Variants in SHTN1 observed in about 807,000 individuals in gnomAD.
SHTN1 encodes shootin 1.
A neutral mutation model predicts 83.1 loss-of-function variants in SHTN1; 42 were observed. That is an observed-to-expected ratio of 0.51 (90% CI 0.39 to 0.65). SHTN1 has a LOEUF of 0.65. Ranked by LOEUF, SHTN1 falls within the 30% of genes least tolerant of loss-of-function variation. The pLI, the probability that SHTN1 is intolerant of heterozygous loss-of-function variation, is 0.00. For missense variants in SHTN1, 622 were observed against 737.8 expected, an observed-to-expected ratio of 0.84 and a Z score of 1.82; for synonymous variants, 224 against 247.7, an observed-to-expected ratio of 0.90 and a Z score of 0.90.
At chr10:116,919,489 C>T (rs192435597) in intron 12 of SHTN1, among the ~76,000 whole-genome samples, 4 of 152,074 alleles carry the variant, frequency 2.6e-5, no homozygotes, top group Admixed American at 2.0e-4. Context: ...ATAAGAAAAA[C>T]TGTATAGGTC....
At chr10:116,993,008 C>CTTTTTTTTTTTTTTTTTT (rs1182027280) in intron 1 of SHTN1, among the ~76,000 whole-genome samples, 1 of 53,762 alleles carries the variant, frequency 1.9e-5, no homozygotes, top group Non-Finnish European at 4.2e-5. Context: ...TCTTTTCTTT[C>CTTTTTTTTTTTTTTTTTT]TTTTTTTTCT....
intron 12 of SHTN1, among the ~76,000 whole-genome samples, chr10:116,919,848 G>A (rs1217090870): frequency 1.2e-5 from 1 of 82,472 alleles, no homozygotes; most frequent in East Asian, 4.0e-4. Context: ...GCAGAAGGCA[G>A]GCACAGAAAG....
At chr10:116,941,642 T>G (rs895367554) in intron 8 of SHTN1, among the ~76,000 whole-genome samples, 19 of 152,234 alleles carry the variant, frequency 1.2e-4, no homozygotes, top group African/African-American at 4.3e-4. Flanking sequence ...AAAGCCCTCA[T>G]ATTAGTTTGT....
At chr10:117,103,827 C>G (rs1019124553) in intron 1 of SHTN1, among the ~76,000 whole-genome samples, 33 of 152,088 alleles carry the variant, frequency 2.2e-4, no homozygotes, top group African/African-American at 8.0e-4. Flanking sequence ...TGAGCCACCG[C>G]ACACGGCCAA....
chr10:116,971,148 T>C (rs1850603444), intron 2 of SHTN1, among the ~76,000 whole-genome samples: 1 of 152,172 alleles, frequency 6.6e-6, no homozygotes, highest in Non-Finnish European at 1.5e-5. Flanking sequence ...AAATGTATTC[T>C]GGCAAGAGAA....
In SHTN1 at chr10:117,061,581, T is replaced by G. The variant is rs550697414; in HGVS notation, c.-188-13071A>C. On this transcript the variant is annotated intron_variant, in intron 1 of 17. Coordinates refer to the SHTN1 transcript ENST00000392901. ...ACCTCCTGGGTTCAAGCGATTCTCCTGCCTCAGTCTCCTGAGTAGCTGGGA... is the reference window on the plus strand; with the variant it reads ...ACCTCCTGGGTTCAAGCGATTCTCCGGCCTCAGTCTCCTGAGTAGCTGGGA... Among the ~76,000 whole-genome samples, 5 of 152,282 alleles carry G rather than the reference T, an allele frequency of 3.3e-5. No homozygotes were observed. In the East Asian group the frequency reaches 9.7e-4, roughly 29 times the overall value.
In SHTN1 at chr10:117,101,948, T is replaced by A. The variant is rs543255307; in HGVS notation, c.-189+24359A>T. 2.5e-4 allele frequency among the ~76,000 whole-genome samples: 38 copies of A among 149,704 alleles called. 1 individual carries two copies. In the South Asian group the frequency reaches 7.8e-3, roughly 31 times the overall value. On this transcript the variant is annotated intron_variant, in intron 1 of 17. Transcript: ENST00000392901. The stretch of plus-strand genomic sequence containing the variant: ...TTTCTTTTAAACTTTCAATTATTTT[T>A]AAAAAAATTATAAATGGTAGAAGTA...
At chr10:117,043,672 C>G (rs900951227) in intron 2 of SHTN1, among the ~76,000 whole-genome samples, 9 of 151,780 alleles carry the variant, frequency 5.9e-5, no homozygotes, top group Non-Finnish European at 1.2e-4. Flanking sequence ...GAGATCCCAT[C>G]TCTACAAAAA....
chr10:117,015,620 C>T (rs182980649), intron 2 of SHTN1, among the ~76,000 whole-genome samples: 6 of 152,298 alleles, frequency 3.9e-5, no homozygotes, highest in South Asian at 2.1e-4. Flanking sequence ...CGTGAGCCAC[C>T]GTGCCCGGCC....
intron 1 of SHTN1, among the ~76,000 whole-genome samples, chr10:117,075,642 G>C (rs1390223006): frequency 1.3e-5 from 2 of 152,118 alleles, no homozygotes; most frequent in Non-Finnish European, 2.9e-5. Flanking sequence ...AACTCTACTT[G>C]GTTGGGAGTG....
upstream of SHTN1, among the ~76,000 whole-genome samples, chr10:117,008,693 A>G: frequency 6.6e-6 from 1 of 152,310 alleles, no homozygotes; most frequent in African/African-American, 2.4e-5. Flanking sequence ...AGGTGGGGTG[A>G]AAGTAGGGGA....
At chr10:116,944,044 T>C (rs752349084) in intron 8 of SHTN1, among the ~76,000 whole-genome samples, 3 of 152,160 alleles carry the variant, frequency 2.0e-5, no homozygotes, top group Non-Finnish European at 4.4e-5. Context: ...AACGCTGAGA[T>C]AATGAATGTA....
chr10:116,916,089 A>C (rs1848373204), intron 12 of SHTN1, among the ~76,000 whole-genome samples: 1 of 152,232 alleles, frequency 6.6e-6, no homozygotes, highest in African/African-American at 2.4e-5. Flanking sequence ...TCAGTGTTAA[A>C]AGAAAATATA....
chr10:116,953,793 A>G (rs1483830643), intron 5 of SHTN1, among the ~76,000 whole-genome samples: 1 of 151,534 alleles, frequency 6.6e-6, no homozygotes, highest in Non-Finnish European at 1.5e-5. Context: ...ACGCCCAGCT[A>G]ATTTTTGTAT....
intron 1 of SHTN1, among the ~76,000 whole-genome samples, chr10:117,073,122 C>T (rs1181794231): frequency 6.6e-6 from 1 of 152,064 alleles, no homozygotes; most frequent in African/African-American, 2.4e-5. Flanking sequence ...ATTCAGAGCT[C>T]AAAGACAAGG....
intron 9 of SHTN1, among the ~76,000 whole-genome samples, chr10:116,938,378 G>C (rs1849248665): frequency 6.6e-6 from 1 of 152,138 alleles, no homozygotes. Context: ...TGATGTTGAT[G>C]TATTCCTTTC....
intron 14 of SHTN1, among the ~76,000 whole-genome samples, chr10:116,910,806 A>G (rs1480261007): frequency 6.6e-6 from 1 of 152,248 alleles, no homozygotes; most frequent in Non-Finnish European, 1.5e-5. Context: ...CAATGGCTTT[A>G]ATACACTATT....
chr10:116,926,156 G>C (rs999453833), intron 11 of SHTN1, among the ~76,000 whole-genome samples: 2 of 152,084 alleles, frequency 1.3e-5, no homozygotes, highest in African/African-American at 4.8e-5. Flanking sequence ...GTTTCTCAGC[G>C]TAACTGTAAA....
chr10:117,022,679 G>T (rs571366902), intron 2 of SHTN1, among the ~76,000 whole-genome samples: 2 of 152,264 alleles, frequency 1.3e-5, no homozygotes, highest in African/African-American at 4.8e-5. Context: ...CCAGTACTTT[G>T]GGAGGCCGAG....
Sources: allele counts gnomAD v4.1 joint callset (sites outside exome capture counted in the v4.1 genomes callset), GRCh38; gene constraint gnomAD v4.1.1; transcripts MANE v1.5; gene names NCBI Gene and HGNC (gene_info 2026-07-23, HGNC 2026-07-21).